Variants in COX6B1 observed in about 807,000 individuals in gnomAD.
COX6B1 encodes the protein cytochrome c oxidase subunit 6B1.
In COX6B1, 2 loss-of-function variants were observed where a neutral mutation model predicts 14.0. The ratio of observed to expected loss-of-function variants is 0.14; its 90% CI spans 0.06 to 0.45. The LOEUF is 0.45. COX6B1 is among the 20% of genes least tolerant of loss of function. The pLI, the probability that COX6B1 is intolerant of heterozygous loss-of-function variation, is 0.98. For missense variants in COX6B1, 81 were observed against 114.2 expected (o/e 0.71, Z 1.33); for synonymous variants, 30 against 39.7 (o/e 0.76, Z 0.92).
intron 3 of COX6B1, among the ~76,000 whole-genome samples, chr19:35,655,421 T>C (rs897641854): frequency 6.6e-6 from 1 of 152,174 alleles, no homozygotes; most frequent in Non-Finnish European, 1.5e-5. Flanking sequence ...TTATCCACGG[T>C]TTCTTCATCT....
chr19:35,648,968 C>T lies in COX6B1; in HGVS notation c.-12+565C>T, dbSNP rs539585616. ...AGCTGGTGTTTTACACCCCACTTCC[C>T]CACCGAAAGACTGTTTTAGTGCTCC... On this transcript the variant is annotated intron_variant, in intron 1 of 3. Coordinates refer to ENST00000649813, the MANE Select transcript of COX6B1 (RefSeq NM_001863.5). 16 of 532,258 alleles carry T rather than the reference C, an allele frequency of 3.0e-5. No homozygotes were observed. In the African/African-American group the frequency reaches 3.1e-4, roughly 10 times the overall value. The allele number at this position is 532,258 out of a possible 1,614,324, so 33.0% of individuals were successfully genotyped here. A position where few individuals can be genotyped will look rare whatever the true frequency, so the allele number is the denominator to read the frequency against.
At chr19:35,656,365 C>G (rs891678947) in intron 3 of COX6B1, among the ~76,000 whole-genome samples, 1 of 151,808 alleles carries the variant, frequency 6.6e-6, no homozygotes, top group Non-Finnish European at 1.5e-5. Flanking sequence ...GCAGAACAAT[C>G]TATATAGTAG....
intron 1 of COX6B1, chr19:35,648,994 A>G: frequency 1.9e-6 from 1 of 520,346 alleles, no homozygotes; most frequent in Non-Finnish European, 3.9e-6. Flanking sequence ...TTAGTGCTCC[A>G]GACCCCCACC....
At chr19:35,654,096 T>G (rs1967861465) in intron 2 of COX6B1, among the ~76,000 whole-genome samples, 2 of 152,238 alleles carry the variant, frequency 1.3e-5, no homozygotes, top group Non-Finnish European at 2.9e-5. Flanking sequence ...CCTTCTCAGA[T>G]CCATACATGC....
intron 3 of COX6B1, among the ~76,000 whole-genome samples, chr19:35,656,980 G>C (rs1424774725): frequency 6.6e-6 from 1 of 152,102 alleles, no homozygotes; most frequent in Admixed American, 6.6e-5. Flanking sequence ...TTCATCCACT[G>C]TTCGTTCTTG....
intron 1 of COX6B1, 42 bp downstream of exon 1, chr19:35,648,445 G>A (rs1161286847): frequency 4.9e-6 from 1 of 204,612 alleles, no homozygotes; most frequent in African/African-American, 2.4e-5. Context: ...CCAGTCTAGC[G>A]GGCTGAGGAG....
intron 2 of COX6B1, among the ~76,000 whole-genome samples, chr19:35,652,116 G>A (rs762435688): frequency 6.7e-6 from 1 of 148,414 alleles, no homozygotes; most frequent in Non-Finnish European, 1.5e-5. Context: ...TGCAACCTCC[G>A]CCTCCCAGGT....
chr19:35,652,836 T>C (rs1454109619), intron 2 of COX6B1, among the ~76,000 whole-genome samples: 1 of 152,022 alleles, frequency 6.6e-6, no homozygotes, highest in Admixed American at 6.6e-5. Flanking sequence ...CTGTTTCTTG[T>C]TGCCCAAGTT....
intron 2 of COX6B1, 107 bp from the exon 3 acceptor site, chr19:35,654,464 C>T: frequency 1.1e-6 from 1 of 894,804 alleles, no homozygotes; most frequent in Non-Finnish European, 1.9e-6. Flanking sequence ...GCTGAGATCG[C>T]ACCACTGCAC....
chr19:35,649,720 T>A (rs1967803297), intron 1 of COX6B1, among the ~76,000 whole-genome samples: 1 of 152,126 alleles, frequency 6.6e-6, no homozygotes, highest in African/African-American at 2.4e-5. Context: ...CCTCAGGTGA[T>A]CCACCCACCT....
chr19:35,650,122 A>G (rs952712278), intron 1 of COX6B1, among the ~76,000 whole-genome samples: 2 of 151,882 alleles, frequency 1.3e-5, no homozygotes, highest in African/African-American at 2.4e-5. Flanking sequence ...TTTTGCCTCA[A>G]CATCCAGAGT....
chr19:35,657,133 TATAATAAA>T (rs1479673585), intron 3 of COX6B1, among the ~76,000 whole-genome samples: 2 of 152,050 alleles, frequency 1.3e-5, no homozygotes, highest in African/African-American at 4.8e-5. Flanking sequence ...TATTACATTA[TATAATAAA>T]ATAATTATAC....
At chr19:35,654,467 C>T (rs1967865470) in intron 2 of COX6B1, 104 bp from the exon 3 acceptor site, 1 of 915,628 alleles carries the variant, frequency 1.1e-6, no homozygotes, top group East Asian at 2.4e-5. Context: ...GAGATCGCAC[C>T]ACTGCACTCC....
chr19:35,654,548 G>C, intron 2 of COX6B1, 23 bp from the exon 3 acceptor site: 1 of 1,600,060 alleles, frequency 6.2e-7, no homozygotes, highest in Non-Finnish European at 8.6e-7. Flanking sequence ...GATCTGGGCT[G>C]ACTTGAACCC....
Position 35,658,685 on chromosome 19 carries a change from C to G in COX6B1, c.*38C>G, listed in dbSNP as rs760185777. 1 of 1,588,162 alleles carries G rather than the reference C, an allele frequency of 6.3e-7. No individual in the cohort carries two copies. Among genetic ancestry groups the G allele is most frequent in the Non-Finnish European group, 8.6e-7 (1 of 1,156,416 alleles). On this transcript the variant is annotated 3_prime_UTR_variant, in exon 4 of 4. Transcript: ENST00000649813. ...TCCCTTTCCTCTGTCCTCCATCCTT[C>G]TCCCAGGATGGTGAAGGGGGACCTG...
At position 35,658,649 on chromosome 19, in the gene COX6B1, C is replaced by T. The variant is rs138005677; in HGVS notation, c.*2C>T. The stretch of plus-strand genomic sequence containing the variant: ...GGCACGTTTCCCGGGAAGATCTGAA[C>T]TGGCTGCATCTCCCTTTCCTCTGTC... On this transcript the variant is annotated 3_prime_UTR_variant, in exon 4 of 4. Coordinates refer to ENST00000649813, the MANE Select transcript of COX6B1 (RefSeq NM_001863.5). 2 of 1,613,712 alleles carry T rather than the reference C, an allele frequency of 1.2e-6. No homozygotes were observed. The highest frequency in any genetic ancestry group is 1.6e-4 in the Middle Eastern group (1 of 6,062).
intron 1 of COX6B1, among the ~76,000 whole-genome samples, chr19:35,650,389 A>T (rs1967811819): frequency 6.6e-6 from 1 of 152,082 alleles, no homozygotes; most frequent in South Asian, 2.1e-4. Flanking sequence ...TCATGTACTC[A>T]TGGAGCCTAT....
intron 2 of COX6B1, among the ~76,000 whole-genome samples, chr19:35,652,926 G>A (rs1210405451): frequency 2.0e-5 from 3 of 150,992 alleles, no homozygotes; most frequent in Non-Finnish European, 4.4e-5. Context: ...AGCCTCCTGA[G>A]TAGCTGGGAA....
At chr19:35,658,202 A>G (rs373083829) in intron 3 of COX6B1, among the ~76,000 whole-genome samples, 2 of 152,066 alleles carry the variant, frequency 1.3e-5, no homozygotes, top group Admixed American at 6.6e-5. Context: ...CCATCCATTC[A>G]TGCCAGAACA....
Sources: gnomAD v4.1 joint callset for allele counts (sites outside exome capture counted in the v4.1 genomes callset) on GRCh38, gnomAD v4.1.1 for gene constraint, MANE v1.5 for transcripts, NCBI Gene and HGNC (gene_info 2026-07-23, HGNC 2026-07-21) for gene names.